Variants in NLN observed in about 807,000 individuals in gnomAD.
NLN encodes the protein neurolysin, mitochondrial.
NLN carries 64 observed loss-of-function variants against 79.9 expected under a neutral mutation model. The ratio of observed to expected loss-of-function variants is 0.80; its 90% CI spans 0.65 to 0.99. The LOEUF (loss-of-function observed/expected upper bound fraction) is 0.99, where lower values mean the gene tolerates loss of function less well. Ranked by LOEUF, NLN falls within the 50% of genes least tolerant of loss-of-function variation. The pLI is 0.00. For missense variants in NLN, 835 were observed against 858.7 expected, an observed-to-expected ratio of 0.97 and a Z score of 0.34; for synonymous variants, 267 against 296.6, an observed-to-expected ratio of 0.90 and a Z score of 1.02.
chr5:65,810,366 T>C (rs758175739), intron 11 of NLN, among the ~76,000 whole-genome samples: 1 of 152,190 alleles, frequency 6.6e-6, no homozygotes, highest in Non-Finnish European at 1.5e-5. Context: ...TGGCTCCAGA[T>C]CTGCAGCATT....
intron 12 of NLN, among the ~76,000 whole-genome samples, chr5:65,814,771 A>G (rs1226137189): frequency 6.6e-6 from 1 of 152,258 alleles, no homozygotes; most frequent in Middle Eastern, 3.4e-3. Context: ...AAAAAAGACA[A>G]AAAAAAGTGG....
intron 2 of NLN, 65 bp downstream of exon 2, chr5:65,758,891 T>G: frequency 7.0e-7 from 1 of 1,435,292 alleles, no homozygotes; most frequent in Non-Finnish European, 9.6e-7. Flanking sequence ...TTTCATGCTT[T>G]CTGTCTTTCA....
intron 9 of NLN, chr5:65,792,919 A>G: frequency 2.0e-6 from 1 of 494,876 alleles, no homozygotes; most frequent in Middle Eastern, 3.8e-4. Context: ...AGGAAAGGTT[A>G]CAAATACTTT....
chr5:65,743,556 A>C (rs182840480), intron 1 of NLN, among the ~76,000 whole-genome samples: 1 of 152,208 alleles, frequency 6.6e-6, no homozygotes, highest in Non-Finnish European at 1.5e-5. Flanking sequence ...ATAATGATAA[A>C]AAATATATAC....
chr5:65,726,188 T>A (rs1758466385), intron 1 of NLN, among the ~76,000 whole-genome samples: 1 of 152,210 alleles, frequency 6.6e-6, no homozygotes, highest in Non-Finnish European at 1.5e-5. Context: ...GCAAAAGTGC[T>A]TTTGATTTGG....
chr5:65,805,632 T>G (rs2561197), intron 9 of NLN, among the ~76,000 whole-genome samples: 109,608 of 152,186 alleles, frequency 0.72, 39,825 homozygotes, highest in African/African-American at 0.8. Context: ...GGTTCATGAG[T>G]TTTAAAGAAA....
intron 1 of NLN, among the ~76,000 whole-genome samples, chr5:65,744,298 T>C (rs1331428233): frequency 6.6e-6 from 1 of 152,182 alleles, no homozygotes; most frequent in Non-Finnish European, 1.5e-5. Context: ...ACACCCGGCC[T>C]GCTACCTGAT....
chr5:65,769,956 G>C (rs1312478991), intron 3 of NLN, among the ~76,000 whole-genome samples: 1 of 152,152 alleles, frequency 6.6e-6, no homozygotes, highest in East Asian at 1.9e-4. Context: ...CCAGTTAGTG[G>C]CAGATCCAGA....
chr5:65,748,500 C>T (rs1759033694), intron 1 of NLN, among the ~76,000 whole-genome samples: 1 of 152,060 alleles, frequency 6.6e-6, no homozygotes, highest in African/African-American at 2.4e-5. Context: ...TGGCTCATGC[C>T]TGTAATCCCA....
chr5:65,784,851 T>C (rs959112843), intron 6 of NLN, among the ~76,000 whole-genome samples: 2 of 152,188 alleles, frequency 1.3e-5, no homozygotes, highest in Non-Finnish European at 2.9e-5. Context: ...CCCCAGGCCC[T>C]GGCAATTACT....
chr5:65,792,194 T>C (rs1207922449), intron 8 of NLN, among the ~76,000 whole-genome samples: 3 of 152,240 alleles, frequency 2.0e-5, no homozygotes, highest in Non-Finnish European at 2.9e-5. Flanking sequence ...CAGCTGTCGG[T>C]GTGACATGCA....
At chr5:65,745,501 C>G (rs562577719) in intron 1 of NLN, among the ~76,000 whole-genome samples, 1 of 152,316 alleles carries the variant, frequency 6.6e-6, no homozygotes, top group African/African-American at 2.4e-5. Flanking sequence ...CTTGAGCAAG[C>G]TACTTCTCTG....
At chr5:65,788,089 A>C in intron 7 of NLN, 29 bp from the exon 8 acceptor site, 1 of 1,593,448 alleles carries the variant, frequency 6.3e-7, no homozygotes, top group Non-Finnish European at 8.5e-7. Flanking sequence ...AAAAGCAAGT[A>C]GATCACTAAC....
rs1347182406 is a variant in NLN at position 65,825,371 on chromosome 5, C to G, written c.*2456C>G. The G allele has an allele frequency of 1.3e-5, 2 of 151,672 alleles. No homozygotes were observed. The highest frequency in any genetic ancestry group is 2.4e-5 in the African/African-American group (1 of 41,286). 9.4% of individuals were successfully genotyped at this position (151,672 alleles called of 1,614,324 possible). ...ATAAGGTCTCTCCTGGTAATTGATC[C>G]AGGGGATTTAGGCCTCTTTCGGGTT... On this transcript the variant is annotated 3_prime_UTR_variant, in exon 13 of 13. Transcript: ENST00000380985.
chr5:65,740,020 T>C (rs1464375718), intron 1 of NLN, among the ~76,000 whole-genome samples: 6 of 152,226 alleles, frequency 3.9e-5, no homozygotes, highest in Non-Finnish European at 7.4e-5. Flanking sequence ...TTGTCCACTT[T>C]TGCTTTTGTT....
intron 12 of NLN, among the ~76,000 whole-genome samples, chr5:65,819,983 C>T (rs1760758681): frequency 6.6e-6 from 1 of 152,142 alleles, no homozygotes; most frequent in Non-Finnish European, 1.5e-5. Flanking sequence ...TGTTTGGAGC[C>T]ATAGGCAGAG....
At chr5:65,814,116 T>C (rs542289696) in intron 12 of NLN, among the ~76,000 whole-genome samples, 34 of 152,294 alleles carry the variant, frequency 2.2e-4, no homozygotes, top group African/African-American at 7.7e-4. Flanking sequence ...GTGCTACTAC[T>C]CTGTTCTTTT....
At chr5:65,752,430 G>A (rs1013468026) in intron 1 of NLN, among the ~76,000 whole-genome samples, 6 of 152,160 alleles carry the variant, frequency 3.9e-5, no homozygotes, top group South Asian at 2.1e-4. Flanking sequence ...ATTATTAGAC[G>A]TAATAACTGC....
At chr5:65,743,402 T>C (rs557640364) in intron 1 of NLN, among the ~76,000 whole-genome samples, 2 of 152,366 alleles carry the variant, frequency 1.3e-5, no homozygotes, top group South Asian at 4.1e-4. Context: ...TCCTGATGCA[T>C]TGCATTTAAG....
Sources: gnomAD v4.1 joint callset for allele counts (sites outside exome capture counted in the v4.1 genomes callset) on GRCh38, gnomAD v4.1.1 for gene constraint, MANE v1.5 for transcripts, NCBI Gene and HGNC (gene_info 2026-07-23, HGNC 2026-07-21) for gene names.